Variants in CCDC167 observed in about 807,000 individuals in gnomAD.
CCDC167 encodes the protein coiled-coil domain containing 167.
A neutral mutation model predicts 12.7 loss-of-function variants in CCDC167; 15 were observed. That is an observed-to-expected ratio of 1.18 (90% CI 0.79 to 1.81). The LOEUF (loss-of-function observed/expected upper bound fraction) is 1.81, where lower values mean the gene tolerates loss of function less well. Ranked by LOEUF, CCDC167 falls within the 40% of genes most tolerant of loss-of-function variation. The pLI, the probability that CCDC167 is intolerant of heterozygous loss-of-function variation, is 0.00. For synonymous variants in CCDC167, 52 were observed against 49.0 expected, an observed-to-expected ratio of 1.06 and a Z score of -0.26; for missense variants, 121 against 120.1, an observed-to-expected ratio of 1.01 and a Z score of -0.03.
intron 1 of CCDC167, among the ~76,000 whole-genome samples, chr6:37,487,436 C>G (rs1220040776): frequency 1.3e-5 from 2 of 152,218 alleles, no homozygotes; most frequent in African/African-American, 4.8e-5. Flanking sequence ...AACCTCCGTT[C>G]TTCTTGTCCA....
intron 1 of CCDC167, among the ~76,000 whole-genome samples, chr6:37,492,963 A>G (rs1002203743): frequency 6.6e-5 from 10 of 152,194 alleles, no homozygotes; most frequent in African/African-American, 9.6e-5. Context: ...GAGGCGGCTC[A>G]CAGAGCTCTG....
chr6:37,488,049 A>G (rs964250003), intron 1 of CCDC167, among the ~76,000 whole-genome samples: 3 of 152,188 alleles, frequency 2.0e-5, no homozygotes, highest in Non-Finnish European at 4.4e-5. Context: ...GACTGTCAAG[A>G]GGCTCTTCAG....
intron 1 of CCDC167, among the ~76,000 whole-genome samples, chr6:37,489,227 C>T (rs528914751): frequency 7.1e-6 from 1 of 140,804 alleles, no homozygotes; most frequent in South Asian, 2.2e-4. Flanking sequence ...CAGAGCGAGA[C>T]TCTATCTCAA....
Position 37,494,805 on chromosome 6 carries a change from A to ATTT in CCDC167, c.42+5014_42+5016dup, listed in dbSNP as rs201478338. 2.0e-4 allele frequency among the ~76,000 whole-genome samples: 23 copies of ATTT among 115,218 alleles called. 1 individual carries two copies. Among genetic ancestry groups the ATTT allele is most frequent in the African/African-American group, 6.6e-4 (17 of 25,614 alleles). The allele number at this position is 115,218 out of a possible 152,430, so 75.6% of individuals were successfully genotyped here. On this transcript the variant is annotated intron_variant, in intron 1 of 3. Coordinates refer to ENST00000373408, the MANE Select transcript of CCDC167 (RefSeq NM_138493.3). ...AATGCCAGTAGCCACCTACCTACAA[A>ATTT]TTTTTTTTTTTTTTTTGAGACGGGG...
intron 1 of CCDC167, among the ~76,000 whole-genome samples, chr6:37,497,985 G>GCAT (rs1309246705): frequency 6.6e-6 from 1 of 152,136 alleles, no homozygotes; most frequent in East Asian, 1.9e-4. Flanking sequence ...ACAAGGCAGG[G>GCAT]CATCATCACC....
intron 3 of CCDC167, among the ~76,000 whole-genome samples, chr6:37,484,018 G>C (rs1007603758): frequency 2.0e-5 from 3 of 152,248 alleles, no homozygotes; most frequent in African/African-American, 7.2e-5. Context: ...TCTGTGCTGG[G>C]CAGTGGGAAG....
chr6:37,492,101 C>G (rs1762029432), intron 1 of CCDC167, among the ~76,000 whole-genome samples: 1 of 152,218 alleles, frequency 6.6e-6, no homozygotes, highest in Non-Finnish European at 1.5e-5. Flanking sequence ...GAGGTGCAAG[C>G]TCCCTTGCAG....
At chr6:37,496,267 T>A (rs1762097991) in intron 1 of CCDC167, among the ~76,000 whole-genome samples, 1 of 151,996 alleles carries the variant, frequency 6.6e-6, no homozygotes, top group African/African-American at 2.4e-5. Context: ...ACCCCGTCTC[T>A]ACTAAAAATA....
At chr6:37,484,522 C>A (rs560624072) in intron 3 of CCDC167, among the ~76,000 whole-genome samples, 2 of 152,092 alleles carry the variant, frequency 1.3e-5, no homozygotes, top group African/African-American at 4.8e-5. Flanking sequence ...AGCAGACTTC[C>A]GATGTCTAGG....
At chr6:37,492,519 C>T (rs901434619) in intron 1 of CCDC167, among the ~76,000 whole-genome samples, 2 of 152,244 alleles carry the variant, frequency 1.3e-5, no homozygotes, top group African/African-American at 4.8e-5. Flanking sequence ...CCCCAGATCA[C>T]CTCGACTGTC....
chr6:37,493,520 C>T lies in CCDC167; in HGVS notation c.42+6302G>A, dbSNP rs575607771. On this transcript the variant is annotated intron_variant, in intron 1 of 3. Coordinates refer to ENST00000373408, the MANE Select transcript of CCDC167 (RefSeq NM_138493.3). ...TAGTCTCCTGACCCCCGTCAAGTGG[C>T]GCAGAGCCAGATGTAGGCTGCCGCG... 2.6e-5 allele frequency among the ~76,000 whole-genome samples: 4 copies of T among 152,374 alleles called. No individual in the cohort carries two copies. In the South Asian group the frequency reaches 6.2e-4, roughly 24 times the overall value.
chr6:37,485,451 TCA>T (rs1200791745), intron 1 of CCDC167, among the ~76,000 whole-genome samples: 5 of 152,254 alleles, frequency 3.3e-5, no homozygotes, highest in African/African-American at 7.2e-5. Context: ...GCCCAGGGTC[TCA>T]CAGCTGTCCC....
intron 1 of CCDC167, among the ~76,000 whole-genome samples, chr6:37,488,183 T>C (rs903877699): frequency 2.0e-5 from 3 of 151,970 alleles, no homozygotes; most frequent in African/African-American, 7.3e-5. Flanking sequence ...TCAACATGAG[T>C]GGAGAGACTC....
In CCDC167 at chr6:37,491,927, C is replaced by G. The variant is rs1455559521; in HGVS notation, c.43-6733G>C. On this transcript the variant is annotated intron_variant, in intron 1 of 3. Coordinates refer to ENST00000373408, the MANE Select transcript of CCDC167 (RefSeq NM_138493.3). Reference sequence around the variant, plus strand: ...CGGGAGCTGGGCAGCCACGTCTGTGCCCTTAACCACCATGCCACATGGAGA... The same window carrying G: ...CGGGAGCTGGGCAGCCACGTCTGTGGCCTTAACCACCATGCCACATGGAGA... 2.0e-5 allele frequency among the ~76,000 whole-genome samples: 3 copies of G among 152,328 alleles called. No individual in the cohort carries two copies. The East Asian group carries it at 5.8e-4, about 29-fold the overall frequency.
chr6:37,484,771 C>T (rs1761919117), intron 3 of CCDC167, 39 bp downstream of exon 3: 2 of 1,613,248 alleles, frequency 1.2e-6, no homozygotes, highest in Non-Finnish European at 1.7e-6. Flanking sequence ...GTTCTGGGGA[C>T]TGGAGGCTGG....
At chr6:37,493,243 C>A (rs887361860) in intron 1 of CCDC167, among the ~76,000 whole-genome samples, 1 of 152,202 alleles carries the variant, frequency 6.6e-6, no homozygotes, top group Admixed American at 6.5e-5. Context: ...TGCAAGTTAG[C>A]GCCCGAGCCA....
At chr6:37,491,462 C>G (rs1762021209) in intron 1 of CCDC167, among the ~76,000 whole-genome samples, 1 of 152,178 alleles carries the variant, frequency 6.6e-6, no homozygotes, top group Non-Finnish European at 1.5e-5. Context: ...TGTTTGCTGT[C>G]TCTCCGGCTT....
intron 3 of CCDC167, among the ~76,000 whole-genome samples, chr6:37,483,707 T>C (rs962496600): frequency 1.3e-5 from 2 of 152,186 alleles, no homozygotes; most frequent in Non-Finnish European, 2.9e-5. Flanking sequence ...ACCTGGGGCC[T>C]CCTTGGGCCT....
chr6:37,492,218 GCT>G (rs1373971312), intron 1 of CCDC167, among the ~76,000 whole-genome samples: 2 of 152,322 alleles, frequency 1.3e-5, no homozygotes, highest in East Asian at 3.9e-4. Flanking sequence ...ACCACTTCAA[GCT>G]CTTTCTCCAA....
Sources: allele counts gnomAD v4.1 joint callset (sites outside exome capture counted in the v4.1 genomes callset), GRCh38; gene constraint gnomAD v4.1.1; transcripts MANE v1.5; gene names NCBI Gene and HGNC (gene_info 2026-07-23, HGNC 2026-07-21).